Variants in GET1 observed in about 807,000 individuals in gnomAD.
GET1 encodes the protein guided entry of tail-anchored proteins factor 1.
In GET1, 20 loss-of-function variants were observed where a neutral mutation model predicts 22.6. The observed-to-expected ratio is 0.89, with a 90% CI of 0.62 to 1.29. GET1 has a LOEUF of 1.29. Among genes scored for constraint, GET1 ranks in the 50% most tolerant of loss-of-function variants. GET1 has a pLI of 0.00. For synonymous variants in GET1, 92 were observed against 83.8 expected (o/e 1.10, Z -0.53); for missense variants, 209 against 219.9 (o/e 0.95, Z 0.31).
chr21:39,381,403 T>C (rs2037548288), intron 1 of GET1, among the ~76,000 whole-genome samples: 1 of 152,204 alleles, frequency 6.6e-6, no homozygotes. Context: ...CTAAGATAAA[T>C]TGGTAGTAGT....
intron 4 of GET1, among the ~76,000 whole-genome samples, chr21:39,404,079 C>T (rs2038923748): frequency 6.6e-6 from 1 of 152,164 alleles, no homozygotes; most frequent in Non-Finnish European, 1.5e-5. Context: ...ATATTACACA[C>T]CAACACATAA....
downstream of GET1, chr21:39,409,945 T>C: frequency 8.3e-7 from 1 of 1,199,550 alleles, no homozygotes; most frequent in Non-Finnish European, 1.2e-6. This position sits in a 1 kb window ranked among gnomAD's most constrained non-coding sequence, Gnocchi z 4.2. Flanking sequence ...TTTAAAGAAA[T>C]CAGATAAGAT....
intron 4 of GET1, among the ~76,000 whole-genome samples, chr21:39,405,228 A>C (rs1319877394): frequency 6.6e-6 from 1 of 151,610 alleles, no homozygotes; most frequent in Non-Finnish European, 1.5e-5. Flanking sequence ...ACACGGTCTC[A>C]CTCCGATTGC....
intron 1 of GET1, among the ~76,000 whole-genome samples, chr21:39,412,651 C>T (rs1312130292): frequency 6.6e-6 from 1 of 152,134 alleles, no homozygotes; most frequent in Non-Finnish European, 1.5e-5. Context: ...GAGCTCTTGT[C>T]TCCTTGTGCC....
intron 4 of GET1, among the ~76,000 whole-genome samples, chr21:39,403,364 T>G (rs2038887298): frequency 6.6e-6 from 1 of 152,244 alleles, no homozygotes; most frequent in Non-Finnish European, 1.5e-5. Context: ...TCTCGCTCTG[T>G]TGCCCAGGCT....
chr21:39,428,351 C>T, exon 2 of GET1: 1 of 1,613,590 alleles, frequency 6.2e-7, no homozygotes, highest in South Asian at 1.1e-5. Context: ...ATAATCAACA[C>T]TCTTATTGGA....
At chr21:39,422,176 ATATT>A (rs2073883262) in intron 1 of GET1, 2 of 152,188 alleles carry the variant, frequency 1.3e-5, no homozygotes, top group African/African-American at 4.8e-5. Context: ...AACGAACCTG[ATATT>A]TACTTACTTC....
chr21:39,417,648 G>A (rs913436894), intron 1 of GET1, among the ~76,000 whole-genome samples: 2 of 152,172 alleles, frequency 1.3e-5, no homozygotes, highest in South Asian at 2.1e-4. Context: ...CACATGGCTG[G>A]GGAGGCCTCA....
chr21:39,395,734 T>C (rs902344327), intron 4 of GET1, among the ~76,000 whole-genome samples: 6 of 151,932 alleles, frequency 3.9e-5, no homozygotes, highest in Admixed American at 2.0e-4. Context: ...TTCCTTCCCC[T>C]CTCCTTTGTT....
At chr21:39,428,474 G>T in exon 2 of GET1, 1 of 1,604,140 alleles carries the variant, frequency 6.2e-7, no homozygotes. Flanking sequence ...ATTTGTTTTT[G>T]TTAGATCAGC....
intron 1 of GET1, among the ~76,000 whole-genome samples, chr21:39,425,368 A>G (rs1207074473): frequency 3.9e-5 from 6 of 152,264 alleles, no homozygotes; most frequent in Admixed American, 6.5e-5. Flanking sequence ...CATTTGAATC[A>G]TAACTATGAA....
intron 1 of GET1, among the ~76,000 whole-genome samples, chr21:39,421,280 T>C (rs1048553813): frequency 6.6e-6 from 1 of 152,054 alleles, no homozygotes; most frequent in Non-Finnish European, 1.5e-5. Context: ...TTTTGTATTT[T>C]TAGTAAAGAC....
chr21:39,392,865 A>T (rs976179163), intron 3 of GET1: 14 of 301,904 alleles, frequency 4.6e-5, no homozygotes, highest in Non-Finnish European at 4.9e-5. Context: ...TTATGTGTAG[A>T]TTGTGTTCAT....
downstream of GET1, among the ~76,000 whole-genome samples, chr21:39,398,856 C>A (rs1416025268): frequency 1.3e-5 from 2 of 152,018 alleles, no homozygotes; most frequent in Admixed American, 6.6e-5. Flanking sequence ...CCACCCGCCT[C>A]GGCATCCCAA....
intron 1 of GET1, among the ~76,000 whole-genome samples, chr21:39,383,077 A>T (rs1241848524): frequency 1.3e-5 from 2 of 151,026 alleles, no homozygotes; most frequent in Non-Finnish European, 3.0e-5. Flanking sequence ...CAGCCTCCCG[A>T]GTAGCTGGGA....
chr21:39,393,702 A>G (rs775711872), intron 4 of GET1, among the ~76,000 whole-genome samples: 3 of 152,110 alleles, frequency 2.0e-5, no homozygotes, highest in Non-Finnish European at 4.4e-5. Context: ...GGCTGGAGTC[A>G]GTGGTGCGAT....
intron 1 of GET1, among the ~76,000 whole-genome samples, chr21:39,425,569 A>G (rs2074529554): frequency 6.6e-6 from 1 of 152,194 alleles, no homozygotes; most frequent in African/African-American, 2.4e-5. Flanking sequence ...CATCTACTAG[A>G]AGGCCTGCGA....
chr21:39,389,904 G>A (rs566974292), intron 1 of GET1, among the ~76,000 whole-genome samples: 1 of 152,292 alleles, frequency 6.6e-6, no homozygotes, highest in African/African-American at 2.4e-5. Flanking sequence ...TGGAATAACA[G>A]CTCTGGTGAT....
chr21:39,387,558 C>G (rs989497768), intron 1 of GET1, among the ~76,000 whole-genome samples: 5 of 152,118 alleles, frequency 3.3e-5, no homozygotes, highest in Non-Finnish European at 7.3e-5. Context: ...GGGTAGTGGC[C>G]AGGGCAGAGG....
Sources: allele counts gnomAD v4.1 joint callset (sites outside exome capture counted in the v4.1 genomes callset), GRCh38; gene constraint gnomAD v4.1.1; non-coding constraint Gnocchi (gnomAD v3.1); transcripts MANE v1.5; gene names NCBI Gene and HGNC (gene_info 2026-07-23, HGNC 2026-07-21).